C20orf96: variants seen among roughly 807,000 people sequenced by gnomAD.
The protein encoded by C20orf96 is chromosome 20 open reading frame 96, also known as uncharacterized protein C20orf96.
Under a neutral mutation model 52.6 loss-of-function variants are expected in C20orf96, and 57 were observed. The observed-to-expected ratio is 1.08, with a 90% CI of 0.88 to 1.35. C20orf96 has a LOEUF of 1.35. Among genes scored for constraint, C20orf96 ranks in the 40% most tolerant of loss-of-function variants. C20orf96 has a pLI of 0.00. For synonymous variants in C20orf96, 168 were observed against 157.2 expected, an observed-to-expected ratio of 1.07 and a Z score of -0.51; for missense variants, 478 against 443.6, an observed-to-expected ratio of 1.08 and a Z score of -0.70.
intron 3 of C20orf96, among the ~76,000 whole-genome samples, 173 bp from the exon 4 acceptor site, chr20:284,254 C>T (rs2012326546): frequency 6.6e-6 from 1 of 152,180 alleles, no homozygotes; most frequent in Non-Finnish European, 1.5e-5. Flanking sequence ...CACTAAGCTC[C>T]CAGGACAGAC....
chr20:290,457 T>C (rs554355995), intron 1 of C20orf96, 134 bp downstream of exon 1: 11 of 1,524,486 alleles, frequency 7.2e-6, no homozygotes, highest in Admixed American at 4.2e-5. Context: ...GCCAAGGAGA[T>C]GTGGGCGGGG....
chr20:284,222 C>G, intron 3 of C20orf96, 141 bp from the exon 4 acceptor site: 1 of 637,032 alleles, frequency 1.6e-6, no homozygotes, highest in Non-Finnish European at 2.8e-6. Flanking sequence ...GACACTAGAC[C>G]GAGGGTGAAA....
intron 5 of C20orf96, among the ~76,000 whole-genome samples, chr20:278,704 C>T (rs1228026248): frequency 1.3e-5 from 2 of 150,712 alleles, no homozygotes; most frequent in African/African-American, 2.4e-5. Flanking sequence ...CCCGGTGAAC[C>T]CCCTCTGGGA....
rs976555863 is a variant in C20orf96, at chr20:274,519, A to G, written c.1031+1449T>C. On this transcript the variant is annotated intron_variant, in intron 10 of 10. Transcript: ENST00000360321. Reference sequence around the variant, plus strand: ...ATTCAGAGGCCAACACAGTCTCTAAAATCAGCTTTACCAGAATAAAGGTGA... The same window carrying G: ...ATTCAGAGGCCAACACAGTCTCTAAGATCAGCTTTACCAGAATAAAGGTGA... Among the ~76,000 whole-genome samples, 13 of 152,230 alleles carry G rather than the reference A, an allele frequency of 8.5e-5. 1 individual carries two copies. The highest frequency in any genetic ancestry group is 1.3e-4 in the Admixed American group (2 of 15,294).
At chr20:283,539 A>C (rs2012305007) in intron 4 of C20orf96, among the ~76,000 whole-genome samples, 1 of 152,048 alleles carries the variant, frequency 6.6e-6, no homozygotes, top group Non-Finnish European at 1.5e-5. Context: ...CCTGACGTCA[A>C]ATGATCCACC....
chr20:276,501 G>C (rs2012028152), intron 9 of C20orf96: 2 of 985,324 alleles, frequency 2.0e-6, no homozygotes, highest in Non-Finnish European at 2.4e-6. Context: ...CAAGAATCAA[G>C]GGGTAAAGAT....
chr20:271,300 A>C, intron 10 of C20orf96, 33 bp from the exon 11 acceptor site: 2 of 1,523,876 alleles, frequency 1.3e-6, no homozygotes, highest in Non-Finnish European at 1.8e-6. Flanking sequence ...GCCATGAGAG[A>C]CCAGAGGTGG....
chr20:276,699 C>A, intron 9 of C20orf96, 94 bp downstream of exon 9: 1 of 1,537,194 alleles, frequency 6.5e-7, no homozygotes, highest in Middle Eastern at 1.7e-4. Flanking sequence ...TCCTGAGCGC[C>A]AGATCAGGAG....
intron 4 of C20orf96, among the ~76,000 whole-genome samples, chr20:282,789 T>C (rs1239316509): frequency 6.6e-6 from 1 of 152,058 alleles, no homozygotes; most frequent in Non-Finnish European, 1.5e-5. Flanking sequence ...GGAGACTCAC[T>C]CAAACCTGGG....
chr20:271,364 A>T, intron 10 of C20orf96, 97 bp from the exon 11 acceptor site: 1 of 1,007,752 alleles, frequency 9.9e-7, no homozygotes, highest in Non-Finnish European at 1.4e-6. Flanking sequence ...TCTGGTACGT[A>T]CTTGGGTTGG....
At chr20:281,153 C>T (rs2012244221) in intron 4 of C20orf96, among the ~76,000 whole-genome samples, 1 of 151,998 alleles carries the variant, frequency 6.6e-6, no homozygotes, top group African/African-American at 2.4e-5. Context: ...AAGAACTTGT[C>T]TCTAAAAGTA....
chr20:276,323 G>C (rs2012022365), intron 9 of C20orf96: 2 of 985,296 alleles, frequency 2.0e-6, no homozygotes, highest in African/African-American at 3.5e-5. Context: ...ATGGAGACAG[G>C]TTACAAAGTG....
intron 3 of C20orf96, 143 bp downstream of exon 3, chr20:289,416 C>G (rs760559542): frequency 2.2e-5 from 14 of 650,908 alleles, no homozygotes; most frequent in Non-Finnish European, 3.9e-5. Context: ...GAGATATAAA[C>G]TTCTATATCA....
intron 9 of C20orf96, 157 bp from the exon 10 acceptor site, chr20:276,243 C>G: frequency 1.0e-6 from 1 of 985,416 alleles, no homozygotes; most frequent in Non-Finnish European, 1.2e-6. Flanking sequence ...CTTCCCCATG[C>G]AAGGTGCGGC....
chr20:276,094 G>A lies in C20orf96; in HGVS notation c.913-8C>T. On this transcript the variant is annotated splice_polypyrimidine_tract_variant and splice_region_variant and intron_variant, in intron 9 of 10. Transcript: ENST00000360321. ...CTCAAACTGGTCAATAATCTGAGAG[G>A]AAAGGCACAGCAGGGGAGAAGGGAG... 6.2e-7 allele frequency: 1 copy of A among 1,613,368 alleles called. No individual in the cohort carries two copies. Among genetic ancestry groups the A allele is most frequent in the Non-Finnish European group, 8.5e-7 (1 of 1,179,938 alleles).
intron 10 of C20orf96, among the ~76,000 whole-genome samples, chr20:273,566 C>T (rs894364806): frequency 9.3e-5 from 14 of 151,256 alleles, no homozygotes; most frequent in East Asian, 3.9e-4. Context: ...TAAGCATCAC[C>T]GGGTAGCTTC....
At position 283,972 on chromosome 20, in the gene C20orf96, C is replaced by T. The variant is rs775131817; in HGVS notation, c.297G>A (p.Trp99Ter). 1 of 1,612,348 alleles carries T rather than the reference C, an allele frequency of 6.2e-7. No homozygotes were observed. Among genetic ancestry groups the T allele is most frequent in the South Asian group, 1.1e-5 (1 of 91,044 alleles). ...LDPGKMHAKI[W>*]LMKTSLRSGR... Reference sequence around the variant, plus strand: ...AAGATGTGCCTCATACCTTCATTAACCAGATTTTGGCATGCATCTTCCCAG... The same window carrying T: ...AAGATGTGCCTCATACCTTCATTAATCAGATTTTGGCATGCATCTTCCCAG... Residue 99 changes from tryptophan (W) to a stop codon, truncating the protein, a stop_gained, in exon 4 of 11, where the codon TGG becomes TGA. Coordinates refer to ENST00000360321, the MANE Select transcript of C20orf96 (RefSeq NM_153269.3). LOFTEE classifies it high-confidence loss of function.
At position 271,165 on chromosome 20, in the gene C20orf96, G is replaced by A; in HGVS notation, c.*42C>T. On this transcript the variant is annotated 3_prime_UTR_variant, in exon 11 of 11. Coordinates refer to ENST00000360321, the MANE Select transcript of C20orf96 (RefSeq NM_153269.3). ...TAAATGATCCAAGGCTCCAGGTGCT[G>A]GGAAGAGAGCAGGAGGGGAGGGCGG... 6.7e-7 allele frequency: 1 copy of A among 1,499,428 alleles called. No individual in the cohort carries two copies. The highest frequency in any genetic ancestry group is 9.1e-7 in the Non-Finnish European group (1 of 1,099,678). 92.9% of individuals were successfully genotyped at this position (1,499,428 alleles called of 1,614,324 possible). A position where few individuals can be genotyped will look rare whatever the true frequency, so the allele number is the denominator to read the frequency against.
intron 7 of C20orf96, 37 bp from the exon 8 acceptor site, chr20:277,182 G>T (rs1216007026): frequency 6.2e-7 from 1 of 1,613,242 alleles, no homozygotes; most frequent in Admixed American, 1.7e-5. Flanking sequence ...CACCAGTCCT[G>T]CCTCCCACAC....
Sources: allele counts gnomAD v4.1 joint callset (sites outside exome capture counted in the v4.1 genomes callset), GRCh38; gene constraint gnomAD v4.1.1; transcripts MANE v1.5; gene names NCBI Gene and HGNC (gene_info 2026-07-23, HGNC 2026-07-21).